TOX: variants seen among roughly 807,000 people sequenced by gnomAD.
The protein encoded by TOX is thymocyte selection-associated high mobility group box protein TOX.
In TOX, 11 loss-of-function variants were observed where a neutral mutation model predicts 53.7. That is an observed-to-expected ratio of 0.20 (90% CI 0.13 to 0.34). The LOEUF is 0.34. Among genes scored for constraint, TOX ranks in the 10% least tolerant of loss-of-function variants. TOX has a pLI of 1.00. For missense variants in TOX, 570 were observed against 664.6 expected (o/e 0.86, Z 1.56); for synonymous variants, 225 against 245.3 (o/e 0.92, Z 0.77).
chr8:58,854,076 G>A (rs1019830291), intron 3 of TOX, among the ~76,000 whole-genome samples: 1 of 152,112 alleles, frequency 6.6e-6, no homozygotes, highest in Non-Finnish European at 1.5e-5. Flanking sequence ...TCCCAACCCT[G>A]AACCAAATAA....
chr8:58,988,922 G>T (rs1406310508), intron 1 of TOX, among the ~76,000 whole-genome samples: 1 of 152,198 alleles, frequency 6.6e-6, no homozygotes, highest in African/African-American at 2.4e-5. Flanking sequence ...CAACAAGGAA[G>T]TCATTTATTC....
intron 1 of TOX, among the ~76,000 whole-genome samples, chr8:59,094,289 A>G (rs1265556910): frequency 6.6e-6 from 1 of 152,192 alleles, no homozygotes; most frequent in Non-Finnish European, 1.5e-5. Context: ...TGTATGAGTG[A>G]AAACATAATA....
chr8:59,036,592 G>A (rs1814463050), intron 1 of TOX, among the ~76,000 whole-genome samples: 1 of 152,190 alleles, frequency 6.6e-6, no homozygotes, highest in Non-Finnish European at 1.5e-5. Context: ...GTGTAATGGT[G>A]AGGCTCCTCC....
intron 3 of TOX, among the ~76,000 whole-genome samples, chr8:58,920,721 T>TAAAAAAAAAAAAAAAAA (rs5891703): frequency 8.6e-5 from 7 of 81,036 alleles, no homozygotes; most frequent in African/African-American, 2.0e-4. Context: ...AAAAAAACAT[T>TAAAAAAAAAAAAAAAAA]AAAAAAAAAA....
chr8:58,921,608 A>T (rs988513206), intron 3 of TOX, among the ~76,000 whole-genome samples: 1 of 152,210 alleles, frequency 6.6e-6, no homozygotes, highest in Non-Finnish European at 1.5e-5. Flanking sequence ...CCCTAACTAG[A>T]TTCCTAGAGG....
At chr8:58,905,812 G>A (rs772445972) in intron 3 of TOX, among the ~76,000 whole-genome samples, 1 of 152,126 alleles carries the variant, frequency 6.6e-6, no homozygotes, top group East Asian at 1.9e-4. Context: ...ATTCGACTTT[G>A]ATCCTATGGC....
rs1004954353 is a variant in TOX at position 59,097,103 on chromosome 8, G to A, written c.102+21783C>T. On this transcript the variant is annotated intron_variant, in intron 1 of 8. Transcript: ENST00000361421. ...CTCACAGCCCGATGTGGGGGAACACGTGATCAGGAAGTCTGCTAGCACCTT... is the reference window on the plus strand; with the variant it reads ...CTCACAGCCCGATGTGGGGGAACACATGATCAGGAAGTCTGCTAGCACCTT... Among the ~76,000 whole-genome samples, 69 of 152,170 alleles carry A rather than the reference G, an allele frequency of 4.5e-4. 1 individual carries two copies. Among genetic ancestry groups the A allele is most frequent in the Admixed American group, 1.8e-3 (28 of 15,278 alleles).
At chr8:59,036,787 T>G (rs2129420415) in intron 1 of TOX, among the ~76,000 whole-genome samples, 1 of 152,354 alleles carries the variant, frequency 6.6e-6, no homozygotes, top group East Asian at 1.9e-4. Context: ...TGTGTGTGAC[T>G]ATGATGTTAT....
At position 58,926,380 on chromosome 8, in the gene TOX, C is replaced by T. The variant is rs569975041; in HGVS notation, c.411+12922G>A. ...GTATGCTGCTCCCTTGGGACTTGGC[C>T]TATCAAGATGCTTTTGTGATCCCAG... On this transcript the variant is annotated intron_variant, in intron 3 of 8. Coordinates refer to ENST00000361421, the MANE Select transcript of TOX (RefSeq NM_014729.3). Among the ~76,000 whole-genome samples the T allele has an allele frequency of 7.2e-5, 11 of 152,272 alleles. No individual in the cohort carries two copies. The East Asian group carries it at 1.9e-3, about 27-fold the overall frequency.
At chr8:58,888,250 T>A (rs895228191) in intron 3 of TOX, among the ~76,000 whole-genome samples, 2 of 152,098 alleles carry the variant, frequency 1.3e-5, no homozygotes, top group Non-Finnish European at 2.9e-5. Context: ...CCTATTTTTT[T>A]AAAGTCTCCA....
At chr8:59,025,412 C>T (rs1368014815) in intron 1 of TOX, among the ~76,000 whole-genome samples, 1 of 152,036 alleles carries the variant, frequency 6.6e-6, no homozygotes, top group Non-Finnish European at 1.5e-5. Context: ...GCCAGTCCAC[C>T]CTCCACGGAG....
chr8:58,812,616 G>A (rs1810102915), intron 7 of TOX, among the ~76,000 whole-genome samples: 1 of 152,154 alleles, frequency 6.6e-6, no homozygotes, highest in Non-Finnish European at 1.5e-5. Flanking sequence ...CTGAAAGTCT[G>A]GAATTCTGTC....
chr8:58,828,163 T>C (rs1445593190), intron 5 of TOX, among the ~76,000 whole-genome samples: 1 of 152,246 alleles, frequency 6.6e-6, no homozygotes, highest in Non-Finnish European at 1.5e-5. Context: ...GACTGTGGTT[T>C]GCTGAGCCCA....
At chr8:58,980,282 G>A (rs892671951) in intron 1 of TOX, among the ~76,000 whole-genome samples, 1 of 152,078 alleles carries the variant, frequency 6.6e-6, no homozygotes, top group African/African-American at 2.4e-5. Flanking sequence ...CCACTGTATG[G>A]ACTGTTCTCT....
intron 1 of TOX, among the ~76,000 whole-genome samples, chr8:59,044,653 C>G (rs1231531003): frequency 1.3e-5 from 2 of 152,184 alleles, no homozygotes; most frequent in Non-Finnish European, 2.9e-5. Context: ...AAATCTAAAT[C>G]TCTTTTTTTA....
At chr8:58,810,933 T>C (rs1810067128) in intron 7 of TOX, among the ~76,000 whole-genome samples, 1 of 152,136 alleles carries the variant, frequency 6.6e-6, no homozygotes, top group Non-Finnish European at 1.5e-5. Flanking sequence ...TAAGATTAAA[T>C]GAGTGACTTC....
intron 3 of TOX, among the ~76,000 whole-genome samples, chr8:58,885,314 G>A (rs1014866912): frequency 6.6e-6 from 1 of 151,994 alleles, no homozygotes; most frequent in South Asian, 2.1e-4. Flanking sequence ...TGATTTCTTT[G>A]GTAGTTTTCT....
At chr8:58,809,320 AG>A (rs1222498741) in intron 7 of TOX, among the ~76,000 whole-genome samples, 1 of 152,250 alleles carries the variant, frequency 6.6e-6, no homozygotes, top group African/African-American at 2.4e-5. Context: ...TCACTTTTAA[AG>A]AACTCAGCAG....
intron 1 of TOX, among the ~76,000 whole-genome samples, chr8:59,005,856 TC>T (rs1813782281): frequency 6.6e-6 from 1 of 152,380 alleles, no homozygotes; most frequent in East Asian, 1.9e-4. Flanking sequence ...AGAACTGCTG[TC>T]CTGGCTGGAT....
Sources: gnomAD v4.1 joint callset for allele counts (sites outside exome capture counted in the v4.1 genomes callset) on GRCh38, gnomAD v4.1.1 for gene constraint, MANE v1.5 for transcripts, NCBI Gene and HGNC (gene_info 2026-07-23, HGNC 2026-07-21) for gene names.